The following SIAE variants were observed in gnomAD, a reference collection of about 807,000 sequenced individuals.
SIAE encodes sialic acid acetylesterase, also known as sialate O-acetylesterase.
In SIAE, 39 loss-of-function variants were observed where a neutral mutation model predicts 52.6. The observed-to-expected ratio is 0.74, with a 90% confidence interval of 0.57 to 0.97. The LOEUF (loss-of-function observed/expected upper bound fraction) is 0.97. Ranked by LOEUF, SIAE falls within the 50% of genes least tolerant of loss-of-function variation. The probability of loss-of-function intolerance (pLI) is 0.00; values close to 1 mark genes in which losing one functional copy is unlikely to be tolerated. For missense variants in SIAE, 592 were observed against 662.1 expected (o/e 0.89, Z 1.16); for synonymous variants, 233 against 241.4 (o/e 0.97, Z 0.32).
chr11:124,671,806 G>A (rs537266268), intron 1 of SIAE, among the ~76,000 whole-genome samples: 1 of 152,294 alleles, frequency 6.6e-6, no homozygotes, highest in African/African-American at 2.4e-5. Flanking sequence ...CTGTCACCCA[G>A]GCTGGAGTGC....
At chr11:124,640,813 ACT>A (rs1942832510) in intron 7 of SIAE, among the ~76,000 whole-genome samples, 1 of 152,044 alleles carries the variant, frequency 6.6e-6, no homozygotes. Context: ...AGCCTAAGTG[ACT>A]CTGCATGGCT....
chr11:124,638,873 G>GT, intron 8 of SIAE, 136 bp from the exon 9 acceptor site: 1 of 711,150 alleles, frequency 1.4e-6, no homozygotes, highest in Non-Finnish European at 2.4e-6. Context: ...TCAGTGGCTA[G>GT]TCAGCTCAAG....
At chr11:124,638,857 CTG>C (rs748095507) in intron 8 of SIAE, 120 bp from the exon 9 acceptor site, 27 of 795,784 alleles carry the variant, frequency 3.4e-5, no homozygotes, top group East Asian at 1.1e-4. Context: ...TGACTGAACT[CTG>C]TGATCAGTGG....
intron 7 of SIAE, among the ~76,000 whole-genome samples, chr11:124,646,289 T>C (rs1942932778): frequency 6.6e-6 from 1 of 152,220 alleles, no homozygotes; most frequent in African/African-American, 2.4e-5. Context: ...AGCCACTATT[T>C]AACGAGTGCC....
upstream of SIAE, chr11:124,673,747 T>C (rs776615577): frequency 1.2e-6 from 2 of 1,606,580 alleles, no homozygotes; most frequent in Admixed American, 3.4e-5. Flanking sequence ...ACTGGGAAAG[T>C]GGGTTCCCGG....
At chr11:124,642,084 A>G (rs1377999180) in intron 7 of SIAE, among the ~76,000 whole-genome samples, 2 of 152,216 alleles carry the variant, frequency 1.3e-5, no homozygotes, top group African/African-American at 2.4e-5. Flanking sequence ...AGATAGTAGT[A>G]GAACGGGATG....
At chr11:124,643,129 AC>A (rs1942874915) in intron 7 of SIAE, among the ~76,000 whole-genome samples, 1 of 152,234 alleles carries the variant, frequency 6.6e-6, no homozygotes, top group Non-Finnish European at 1.5e-5. Context: ...GTCATTTCTT[AC>A]TCAGCAATAG....
Position 124,649,749 on chromosome 11 carries a change from G to A in SIAE, c.592C>T (p.Leu198Phe). 2 of 1,614,196 alleles carry A rather than the reference G, an allele frequency of 1.2e-6. No individual in the cohort carries two copies. Among genetic ancestry groups the A allele is most frequent in the Non-Finnish European group, 1.7e-6 (2 of 1,180,042 alleles). ...GTGTCATAAAGGTGACGTCCAAAGA[G>A]CCAGCACACTGCTGACATGTACTTG... Reference protein sequence around the residue: ...YFKYMSAVCWLFGRHLYDTLQ... With the variant: ...YFKYMSAVCWFFGRHLYDTLQ... Residue 198 changes from leucine (L) to phenylalanine (F), a missense_variant, in exon 5 of 10, where the codon CTC becomes TTC. Physicochemically the swap from Leu to Phe is conservative, Grantham distance 22. Coordinates refer to ENST00000263593, the MANE Select transcript of SIAE (RefSeq NM_170601.5).
At chr11:124,675,383 C>G, upstream of SIAE, 1 of 1,614,048 alleles carries the variant, frequency 6.2e-7, no homozygotes, top group Non-Finnish European at 8.5e-7. Flanking sequence ...GCTTTTGCAG[C>G]AGCCTATTTT....
Position 124,650,278 on chromosome 11 carries a change from C to T in SIAE, c.545-482G>A, listed in dbSNP as rs1016667794. ...ATCACTTACAGGATCTGCAGACTCT[C>T]GGATAATCAATGCTCTCCCTCAAAT... On this transcript the variant is annotated intron_variant, in intron 4 of 9. Transcript: ENST00000263593. Among the ~76,000 whole-genome samples, 25 of 152,196 alleles carry T rather than the reference C, an allele frequency of 1.6e-4. No individual in the cohort carries two copies. In the East Asian group the frequency reaches 3.7e-3, roughly 22 times the overall value.
upstream of SIAE, chr11:124,676,134 T>C (rs1170405107): frequency 1.3e-5 from 2 of 152,240 alleles, no homozygotes; most frequent in African/African-American, 2.4e-5. Flanking sequence ...GTCAGGACTT[T>C]ACCAGTTTTG....
chr11:124,647,609 T>C, intron 6 of SIAE, 111 bp from the exon 7 acceptor site: 1 of 1,315,682 alleles, frequency 7.6e-7, no homozygotes, highest in South Asian at 1.2e-5. Context: ...CCACGGTCTC[T>C]CTGGACTGGT....
rs145396113 is a variant in SIAE at position 124,660,732 on chromosome 11, G to T, written c.301C>A (p.Gln101Lys). 3.7e-6 allele frequency: 6 copies of T among 1,614,062 alleles called. No homozygotes were observed. The African/African-American group carries it at 6.7e-5, about 18-fold the overall frequency. The change falls in exon 3 of 10, where the codon CAG becomes AAG. Residue 101 changes from glutamine to lysine, a missense_variant. Coordinates refer to ENST00000263593, the MANE Select transcript of SIAE (RefSeq NM_170601.5). ...PGGPFEVMAQ[Q>K]TLEKINFTLR... is the part of the protein sequence containing the mutation. ...GTGAAGTTTATTTTCTCCAAAGTCT[G>T]TTGTGCCATCACTTCGAAAGGTCCT...
At chr11:124,649,175 G>A (rs1942982010) in intron 5 of SIAE, among the ~76,000 whole-genome samples, 1 of 152,114 alleles carries the variant, frequency 6.6e-6, no homozygotes, top group East Asian at 1.9e-4. Context: ...ACAATGGTTA[G>A]GTGCACAGAC....
intron 2 of SIAE, among the ~76,000 whole-genome samples, chr11:124,661,361 G>A (rs1943185233): frequency 6.6e-6 from 1 of 152,242 alleles, no homozygotes; most frequent in Admixed American, 6.5e-5. Flanking sequence ...CTGTTGAGTG[G>A]AGAAACCGAC....
chr11:124,675,623 C>G (rs990770053), upstream of SIAE: 10 of 501,648 alleles, frequency 2.0e-5, no homozygotes, highest in Non-Finnish European at 3.5e-5. Context: ...ATTACCAGTT[C>G]ATTATTCAGA....
intron 1 of SIAE, among the ~76,000 whole-genome samples, chr11:124,672,519 C>T (rs184139311): frequency 3.9e-5 from 6 of 152,188 alleles, no homozygotes; most frequent in Admixed American, 3.3e-4. Context: ...AAGTAGAGTA[C>T]TAATGAATGA....
chr11:124,670,426 TATCTC>T lies in SIAE; in HGVS notation c.68-910_68-906del, dbSNP rs1377949384. Among the ~76,000 whole-genome samples, 1 of 152,144 alleles carries T rather than the reference TATCTC, an allele frequency of 6.6e-6. No homozygotes were observed. Among genetic ancestry groups the T allele is most frequent in the Admixed American group, 6.5e-5 (1 of 15,280 alleles). On this transcript the variant is annotated intron_variant, in intron 1 of 9. Coordinates refer to ENST00000263593, the MANE Select transcript of SIAE (RefSeq NM_170601.5). The surrounding 1 kb of genome is among the most constrained non-coding windows in gnomAD (Gnocchi z 4.5). ...TATTAATACAAACATCCATCCAAAT[TATCTC>T]AGCGTGTTCCTCATCAAAACTTAAC... is the stretch of plus-strand genomic sequence containing the variant.
Position 124,634,486 on chromosome 11 carries a change from G to A in SIAE, c.*2465C>T, listed in dbSNP as rs1241154833. 6.6e-6 allele frequency: 1 copy of A among 152,134 alleles called. No homozygotes were observed. The highest frequency in any genetic ancestry group is 1.5e-5 in the Non-Finnish European group (1 of 68,016). The allele number at this position is 152,134 out of a possible 1,614,324, so 9.4% of individuals were successfully genotyped here. ...AAAAAAGGACTACCTTGGTGAGAAT[G>A]TAAGTTGTTTAATCCTTTGGGAGGG... On this transcript the variant is annotated 3_prime_UTR_variant, in exon 10 of 10. Transcript: ENST00000263593.
Sources: allele counts gnomAD v4.1 joint callset (sites outside exome capture counted in the v4.1 genomes callset), GRCh38; gene constraint gnomAD v4.1.1; non-coding constraint Gnocchi (gnomAD v3.1); transcripts MANE v1.5; gene names NCBI Gene and HGNC (gene_info 2026-07-23, HGNC 2026-07-21).